NELL1: variants seen among roughly 807,000 people sequenced by gnomAD.
The protein encoded by NELL1 is protein kinase C-binding protein NELL1.
A neutral mutation model predicts 107.4 loss-of-function variants in NELL1; 76 were observed. The observed-to-expected ratio is 0.71, with a 90% CI of 0.59 to 0.86. The LOEUF (loss-of-function observed/expected upper bound fraction) is 0.86, where lower values mean the gene tolerates loss of function less well. NELL1 is among the 40% of genes least tolerant of loss of function. The probability of loss-of-function intolerance (pLI) is 0.00; values close to 1 mark genes in which losing one functional copy is unlikely to be tolerated. For synonymous variants in NELL1, 353 were observed against 341.2 expected (o/e 1.03, Z -0.38); for missense variants, 1,024 against 1,005.5 (o/e 1.02, Z -0.25).
In NELL1 at chr11:21,216,395, G is replaced by A. The variant is rs910761295; in HGVS notation, c.1427-12937G>A. On this transcript the variant is annotated intron_variant, in intron 13 of 19. Transcript: ENST00000357134. ...CTGCTTAGTGGAGCTATGAGAAGTG[G>A]GCCACCATCCTTCAGATCCCAGAAT... Among the ~76,000 whole-genome samples the A allele has an allele frequency of 5.9e-5, 9 of 152,154 alleles. 1 individual carries two copies. The highest frequency in any genetic ancestry group is 1.9e-4 in the African/African-American group (8 of 41,434).
In NELL1 at chr11:20,932,769, G is replaced by A. The variant is rs904528997; in HGVS notation, c.997+4290G>A. 2.6e-5 allele frequency among the ~76,000 whole-genome samples: 4 copies of A among 152,176 alleles called. No individual in the cohort carries two copies. The East Asian group carries it at 7.7e-4, about 29-fold the overall frequency. On this transcript the variant is annotated intron_variant, in intron 9 of 19. Transcript: ENST00000357134. The stretch of plus-strand genomic sequence containing the variant: ...TGGCAGTCTGGCTTCAGAACCCAGT[G>A]GGATGCTCTTGACCTGTTGGCTCTA...
At chr11:20,980,428 C>G (rs902064475) in intron 12 of NELL1, among the ~76,000 whole-genome samples, 1 of 152,100 alleles carries the variant, frequency 6.6e-6, no homozygotes, top group African/African-American at 2.4e-5. Flanking sequence ...ATGTGGTGAG[C>G]TGCAGTTTCC....
At chr11:21,391,424 C>T (rs530490613) in intron 15 of NELL1, among the ~76,000 whole-genome samples, 1 of 151,854 alleles carries the variant, frequency 6.6e-6, no homozygotes, top group East Asian at 2.0e-4. Flanking sequence ...AAAAAAATGT[C>T]CCCTACATCT....
At chr11:20,803,197 A>G (rs555868569) in intron 3 of NELL1, among the ~76,000 whole-genome samples, 2 of 152,068 alleles carry the variant, frequency 1.3e-5, no homozygotes, top group East Asian at 3.9e-4. Flanking sequence ...TGGATCCTGG[A>G]CTTTTCTCTG....
chr11:20,786,957 G>A (rs959505252), intron 3 of NELL1, among the ~76,000 whole-genome samples: 14 of 129,486 alleles, frequency 1.1e-4, no homozygotes, highest in Admixed American at 5.8e-4. Context: ...GCCGTGAGCC[G>A]AGATGGCGCC....
intron 13 of NELL1, among the ~76,000 whole-genome samples, chr11:21,226,105 A>G (rs1325270594): frequency 2.6e-5 from 4 of 151,768 alleles, no homozygotes. Context: ...TGTGATATTT[A>G]TAGAAGAAAA....
chr11:21,095,834 T>C (rs1361230166), intron 12 of NELL1, among the ~76,000 whole-genome samples: 1 of 152,156 alleles, frequency 6.6e-6, no homozygotes, highest in Non-Finnish European at 1.5e-5. Flanking sequence ...GGTCTTGAAC[T>C]CCTGACCTCA....
At chr11:20,887,935 G>C (rs2134110926) in intron 5 of NELL1, among the ~76,000 whole-genome samples, 1 of 152,118 alleles carries the variant, frequency 6.6e-6, no homozygotes, top group South Asian at 2.1e-4. Context: ...TCCTCACAGG[G>C]CTACAGAAAA....
At chr11:21,092,309 G>T (rs185533564) in intron 12 of NELL1, among the ~76,000 whole-genome samples, 1 of 152,186 alleles carries the variant, frequency 6.6e-6, no homozygotes, top group Admixed American at 6.5e-5. Flanking sequence ...CCTGTAGCTG[G>T]CTGACTAGCA....
At chr11:20,883,429 C>G (rs1176146918) in intron 4 of NELL1, among the ~76,000 whole-genome samples, 2 of 152,190 alleles carry the variant, frequency 1.3e-5, no homozygotes, top group African/African-American at 4.8e-5. Context: ...CTCATTGGAG[C>G]TTATCTTCTA....
chr11:21,418,512 T>C (rs1012778018), intron 15 of NELL1, among the ~76,000 whole-genome samples: 1 of 146,770 alleles, frequency 6.8e-6, no homozygotes, highest in Admixed American at 6.8e-5. Context: ...GGTGGCAGAG[T>C]TCCATTCATC....
At chr11:21,018,033 A>T (rs1339030659) in intron 12 of NELL1, among the ~76,000 whole-genome samples, 1 of 152,056 alleles carries the variant, frequency 6.6e-6, no homozygotes, top group Non-Finnish European at 1.5e-5. Context: ...TCTATCTTTC[A>T]TCCACGCCTC....
chr11:20,763,793 A>G (rs1189903801), intron 2 of NELL1, among the ~76,000 whole-genome samples: 2 of 152,220 alleles, frequency 1.3e-5, no homozygotes, highest in African/African-American at 4.8e-5. Context: ...TGGCGAGCCT[A>G]GAGGGGCTGG....
intron 16 of NELL1, among the ~76,000 whole-genome samples, chr11:21,555,714 T>A (rs1212972651): frequency 1.3e-5 from 2 of 151,900 alleles, no homozygotes; most frequent in African/African-American, 4.8e-5. Context: ...CATAGCAGCA[T>A]CTCAAATAGA....
intron 13 of NELL1, among the ~76,000 whole-genome samples, chr11:21,207,462 G>A (rs1433918286): frequency 1.3e-5 from 2 of 152,154 alleles, no homozygotes; most frequent in Non-Finnish European, 2.9e-5. Flanking sequence ...CTTCCTGGAA[G>A]TTTTAGGGAA....
At chr11:21,301,883 A>G (rs191869537) in intron 14 of NELL1, among the ~76,000 whole-genome samples, 19 of 152,120 alleles carry the variant, frequency 1.2e-4, no homozygotes, top group East Asian at 5.8e-4. Context: ...TATTTCTTTT[A>G]ATCCTCACAG....
chr11:21,153,531 G>A (rs11025948), intron 13 of NELL1, among the ~76,000 whole-genome samples: 22,669 of 152,160 alleles, frequency 0.15, 1,856 homozygotes, highest in African/African-American at 0.19. Context: ...AATGTTTGCC[G>A]TGATGGAGCT....
chr11:20,709,148 A>T (rs564344939), intron 2 of NELL1, among the ~76,000 whole-genome samples: 2 of 151,898 alleles, frequency 1.3e-5, no homozygotes, highest in Non-Finnish European at 2.9e-5. Context: ...TTCTGATGTT[A>T]TCTTCTAGAA....
In NELL1 at chr11:20,752,316, G is replaced by A. The variant is rs192054834; in HGVS notation, c.185-31364G>A. ...TATAATCCCAGCAGTTTGGGAGGCC[G>A]AGGCAGGCGGATCACCTGAGGTTGG... is the stretch of plus-strand genomic sequence containing the variant. On this transcript the variant is annotated intron_variant, in intron 2 of 19. Transcript: ENST00000357134. Among the ~76,000 whole-genome samples the A allele has an allele frequency of 4.0e-3, 616 of 152,264 alleles. 1 individual carries two copies. The highest frequency in any genetic ancestry group is 0.014 in the African/African-American group (581 of 41,554).
Sources: allele counts gnomAD v4.1 joint callset (sites outside exome capture counted in the v4.1 genomes callset), GRCh38; gene constraint gnomAD v4.1.1; transcripts MANE v1.5; gene names NCBI Gene and HGNC (gene_info 2026-07-23, HGNC 2026-07-21).